FOCAD: variants seen among roughly 807,000 people sequenced by gnomAD.
FOCAD encodes the protein KIAA1797.
In FOCAD, 198 loss-of-function variants were observed where a neutral mutation model predicts 225.6. The observed-to-expected ratio is 0.88, with a 90% CI of 0.78 to 0.99. The LOEUF is 0.99. Ranked by LOEUF, FOCAD falls within the 50% of genes least tolerant of loss-of-function variation. The pLI is 0.00. For synonymous variants in FOCAD, 897 were observed against 755.0 expected (o/e 1.19, Z -3.08); for missense variants, 2,713 against 2,123.6 (o/e 1.28, Z -5.46).
chr9:20,859,203 C>T (rs763984747), intron 15 of FOCAD, among the ~76,000 whole-genome samples: 13 of 151,824 alleles, frequency 8.6e-5, no homozygotes, highest in African/African-American at 2.4e-4. Flanking sequence ...GGTGAAACCC[C>T]GTCTCTACTA....
rs569791129 is a variant in FOCAD at position 20,756,503 on chromosome 9, G to A, written c.393-1587G>A. ...TCCTGGTAACATATTAAAATTACCT[G>A]TAGAATTTTAAAAAATTGCTAGGGG... is the stretch of plus-strand genomic sequence containing the variant. On this transcript the variant is annotated intron_variant, in intron 5 of 43. Transcript: ENST00000338382. Among the ~76,000 whole-genome samples, 8 of 152,286 alleles carry A rather than the reference G, an allele frequency of 5.3e-5. No homozygotes were observed. In the South Asian group the frequency reaches 1.7e-3, roughly 32 times the overall value.
At chr9:20,757,610 TG>T (rs993907956) in intron 5 of FOCAD, among the ~76,000 whole-genome samples, 1 of 152,024 alleles carries the variant, frequency 6.6e-6, no homozygotes, top group African/African-American at 2.4e-5. Flanking sequence ...AACCATACAA[TG>T]GGAATAATGA....
At chr9:20,985,202 T>C (rs982214150) in intron 39 of FOCAD, among the ~76,000 whole-genome samples, 1 of 152,238 alleles carries the variant, frequency 6.6e-6, no homozygotes. Context: ...AGGTCTGTTT[T>C]ACACTTTGGG....
At chr9:20,662,093 G>T (rs149079668) in intron 2 of FOCAD, among the ~76,000 whole-genome samples, 4 of 152,158 alleles carry the variant, frequency 2.6e-5, no homozygotes, top group Admixed American at 6.5e-5. Context: ...ATATCTACAA[G>T]TAGTGGATGG....
At chr9:20,679,696 G>A (rs760017765), upstream of FOCAD, among the ~76,000 whole-genome samples, 1 of 152,126 alleles carries the variant, frequency 6.6e-6, no homozygotes, top group African/African-American at 2.4e-5. Flanking sequence ...AATAATACAA[G>A]GAGTTGAACA....
intron 39 of FOCAD, among the ~76,000 whole-genome samples, chr9:20,984,559 C>T (rs1344018881): frequency 6.6e-6 from 1 of 152,104 alleles, no homozygotes; most frequent in Non-Finnish European, 1.5e-5. Flanking sequence ...AGAAAAGTGG[C>T]ATTGTTTTAC....
chr9:20,987,600 G>A (rs1841306622), intron 40 of FOCAD, among the ~76,000 whole-genome samples: 1 of 151,966 alleles, frequency 6.6e-6, no homozygotes, highest in Non-Finnish European at 1.5e-5. Flanking sequence ...ACTGAAAAAT[G>A]AACCTATGAT....
chr9:20,716,023 C>G (rs1825300476), intron 2 of FOCAD: 1 of 352,194 alleles, frequency 2.8e-6, no homozygotes, highest in Admixed American at 2.1e-5. Context: ...AACAGACCAG[C>G]AGAAGCCATC....
chr9:20,826,155 G>C (rs1205163681), intron 15 of FOCAD, among the ~76,000 whole-genome samples: 1 of 152,066 alleles, frequency 6.6e-6, no homozygotes, highest in African/African-American at 2.4e-5. Flanking sequence ...TATTGTTCTT[G>C]GGTGCATCTC....
upstream of FOCAD, among the ~76,000 whole-genome samples, chr9:20,656,141 A>G (rs1406756545): frequency 2.7e-5 from 4 of 149,122 alleles, no homozygotes; most frequent in Non-Finnish European, 6.0e-5. Context: ...GGTCTGAGAG[A>G]TAGTTTGTTA....
intron 28 of FOCAD, among the ~76,000 whole-genome samples, chr9:20,935,986 AAC>A (rs1317249685): frequency 6.6e-6 from 1 of 152,262 alleles, no homozygotes; most frequent in Non-Finnish European, 1.5e-5. Context: ...AAAAGAATTA[AAC>A]ACACTCATTT....
chr9:20,853,302 C>T (rs1044415076), intron 15 of FOCAD, among the ~76,000 whole-genome samples: 5 of 151,710 alleles, frequency 3.3e-5, no homozygotes, highest in East Asian at 1.9e-4. Context: ...AGAAACCTAA[C>T]GTCTCTGGCT....
chr9:20,909,974 G>A (rs369582273), intron 22 of FOCAD, among the ~76,000 whole-genome samples: 1 of 151,992 alleles, frequency 6.6e-6, no homozygotes, highest in East Asian at 1.9e-4. Flanking sequence ...ATTAAGCCTA[G>A]GAAATGCACT....
intron 34 of FOCAD, among the ~76,000 whole-genome samples, chr9:20,951,314 C>A (rs1479375389): frequency 6.6e-6 from 1 of 152,128 alleles, no homozygotes; most frequent in African/African-American, 2.4e-5. Flanking sequence ...GAACTCAGAT[C>A]TTTTGGCCTC....
chr9:20,692,170 G>T (rs1823017271), intron 1 of FOCAD, among the ~76,000 whole-genome samples: 1 of 152,060 alleles, frequency 6.6e-6, no homozygotes, highest in South Asian at 2.1e-4. Flanking sequence ...TTTCTGTTTG[G>T]ATGACTAATA....
At chr9:20,921,139 T>G in intron 24 of FOCAD, among the ~76,000 whole-genome samples, 1 of 152,140 alleles carries the variant, frequency 6.6e-6, no homozygotes, top group Non-Finnish European at 1.5e-5. Context: ...TGATGATTGA[T>G]GTGAATTTAT....
chr9:20,783,865 G>T (rs1819648650), intron 10 of FOCAD, among the ~76,000 whole-genome samples: 1 of 152,092 alleles, frequency 6.6e-6, no homozygotes, highest in Admixed American at 6.5e-5. Context: ...TTCCAGTCAG[G>T]AAAGAGAAAA....
At chr9:20,891,721 A>G (rs571265369) in intron 21 of FOCAD, among the ~76,000 whole-genome samples, 8 of 152,340 alleles carry the variant, frequency 5.3e-5, no homozygotes, top group Non-Finnish European at 1.0e-4. Context: ...TCACAACACC[A>G]AAGTGCAAGT....
chr9:20,808,206 G>C (rs1324926548), intron 11 of FOCAD, among the ~76,000 whole-genome samples: 1 of 152,218 alleles, frequency 6.6e-6, no homozygotes, highest in African/African-American at 2.4e-5. Context: ...TGGAATGTCT[G>C]ACAGGTGTCT....
Sources: gnomAD v4.1 joint callset for allele counts (sites outside exome capture counted in the v4.1 genomes callset) on GRCh38, gnomAD v4.1.1 for gene constraint, MANE v1.5 for transcripts, NCBI Gene and HGNC (gene_info 2026-07-23, HGNC 2026-07-21) for gene names.